The following COG6 variants were observed in gnomAD, a reference collection of about 807,000 sequenced individuals.
COG6 encodes conserved oligomeric Golgi complex subunit 6.
COG6 carries 74 observed loss-of-function variants against 88.8 expected under a neutral mutation model. The ratio of observed to expected loss-of-function variants is 0.83; its 90% CI spans 0.69 to 1.01. The LOEUF is 1.01. Among genes scored for constraint, COG6 ranks in the 50% least tolerant of loss-of-function variants. COG6 has a pLI of 0.00. For missense variants in COG6, 800 were observed against 797.9 expected (o/e 1.00, Z -0.03); for synonymous variants, 286 against 278.7 (o/e 1.03, Z -0.26).
chr13:39,751,331 G>C lies in COG6; in HGVS notation c.*238G>C. The C allele has an allele frequency of 6.8e-7, 1 of 1,460,934 alleles. No homozygotes were observed. The highest frequency in any genetic ancestry group is 1.2e-5 in the South Asian group (1 of 82,360). 90.5% of individuals were successfully genotyped at this position (1,460,934 alleles called of 1,614,324 possible). A position where few individuals can be genotyped will look rare whatever the true frequency, so the allele number is the denominator to read the frequency against. ...AATGAGATGATCTATTTTTTTGCTA[G>C]CCATCTCTCCAGCTCTGCAGTTTTC... On this transcript the variant is annotated 3_prime_UTR_variant, in exon 19 of 19. Transcript: ENST00000455146.
intron 18 of COG6, among the ~76,000 whole-genome samples, chr13:39,746,249 T>G (rs1331936707): frequency 6.6e-6 from 1 of 151,538 alleles, no homozygotes; most frequent in Non-Finnish European, 1.5e-5. Context: ...AAAAAAAAGT[T>G]ACTTCCCCCT....
chr13:39,776,252 C>T (rs1349296958), intron 18 of COG6, among the ~76,000 whole-genome samples: 1 of 152,074 alleles, frequency 6.6e-6, no homozygotes, highest in Non-Finnish European at 1.5e-5. Flanking sequence ...GAGGAGTAGG[C>T]AGAAGGGGAG....
intron 13 of COG6, among the ~76,000 whole-genome samples, chr13:39,700,878 G>C (rs1877537680): frequency 6.6e-6 from 1 of 151,892 alleles, no homozygotes; most frequent in South Asian, 2.1e-4. Flanking sequence ...GTTGAACTTT[G>C]AAGAACAGGT....
intron 18 of COG6, among the ~76,000 whole-genome samples, chr13:39,746,170 C>T (rs1259068330): frequency 6.6e-6 from 1 of 151,276 alleles, no homozygotes; most frequent in Admixed American, 6.6e-5. Context: ...CAACATGGCA[C>T]GTGTATACCT....
chr13:39,722,146 T>C (rs1878881245), intron 15 of COG6, among the ~76,000 whole-genome samples: 1 of 152,062 alleles, frequency 6.6e-6, no homozygotes, highest in African/African-American at 2.4e-5. Context: ...ATATTTGCTC[T>C]GTATTACTTT....
chr13:39,670,924 T>G (rs1875592923), intron 4 of COG6, among the ~76,000 whole-genome samples: 1 of 152,054 alleles, frequency 6.6e-6, no homozygotes, highest in Non-Finnish European at 1.5e-5. Context: ...GCATAAATGG[T>G]TTTATATTGC....
intron 4 of COG6, among the ~76,000 whole-genome samples, chr13:39,669,829 C>G (rs535172006): frequency 1.5e-3 from 223 of 152,188 alleles, no homozygotes; most frequent in Middle Eastern, 6.8e-3. Context: ...TTATGACATT[C>G]TGGTATCCCA....
chr13:39,720,712 A>G (rs1878806075), intron 15 of COG6, among the ~76,000 whole-genome samples: 1 of 151,942 alleles, frequency 6.6e-6, no homozygotes. Context: ...CAGTTTTTAT[A>G]GTTGCTTCTT....
In COG6 at chr13:39,724,520, A is replaced by G. The variant is rs769405087; in HGVS notation, c.1705A>G (p.Asn569Asp). The change falls in exon 17 of 19, where the codon AAT becomes GAT. Residue 569 changes from asparagine to aspartate, a missense_variant. Asn to Asp is a conservative substitution (Grantham distance 23). Coordinates refer to ENST00000455146, the MANE Select transcript of COG6 (RefSeq NM_020751.3). ...QHKPEQGSLANMPNLDSVTLK... is the reference protein window; with the variant it reads ...QHKPEQGSLADMPNLDSVTLK... Reference sequence around the variant, plus strand: ...TTTTTTTAAATAGGGCTCTTTAGCTAATATGCCCAACCTAGATTCTGTGAC... The same window carrying G: ...TTTTTTTAAATAGGGCTCTTTAGCTGATATGCCCAACCTAGATTCTGTGAC... 3 of 1,597,982 alleles carry G rather than the reference A, an allele frequency of 1.9e-6. No homozygotes were observed. The highest frequency in any genetic ancestry group is 1.7e-6 in the Non-Finnish European group (2 of 1,169,280).
chr13:39,752,646 T>A, downstream of COG6: 1 of 1,258,442 alleles, frequency 7.9e-7, no homozygotes, highest in Non-Finnish European at 1.0e-6. Flanking sequence ...CAGCAATTAT[T>A]GCAGCTGTCC....
chr13:39,713,618 C>A (rs1378872666), intron 13 of COG6, among the ~76,000 whole-genome samples: 2 of 152,078 alleles, frequency 1.3e-5, no homozygotes, highest in Non-Finnish European at 2.9e-5. Context: ...CGCCTGTAGT[C>A]CCAGCTACTC....
Position 39,718,180 on chromosome 13 carries a change from A to G in COG6, c.1285-1056A>G, listed in dbSNP as rs140475411. The stretch of plus-strand genomic sequence containing the variant: ...TTCTTGTTTGCTTGCATGTTTTATG[A>G]TTTTTTTGTTCTTGTTGTTTTTATG... On this transcript the variant is annotated intron_variant, in intron 13 of 18. Coordinates refer to ENST00000455146, the MANE Select transcript of COG6 (RefSeq NM_020751.3). Among the ~76,000 whole-genome samples, 142 of 151,884 alleles carry G rather than the reference A, an allele frequency of 9.3e-4. 2 individuals carry two copies. Among genetic ancestry groups the G allele is most frequent in the Admixed American group, 7.4e-3 (112 of 15,238 alleles).
intron 18 of COG6, among the ~76,000 whole-genome samples, chr13:39,762,409 C>CA (rs1463777712): frequency 6.6e-6 from 1 of 151,772 alleles, no homozygotes; most frequent in Non-Finnish European, 1.5e-5. Flanking sequence ...TTAATGGATA[C>CA]AAAAGTACAG....
At chr13:39,668,139 A>G (rs1875385099) in intron 4 of COG6, among the ~76,000 whole-genome samples, 3 of 152,134 alleles carry the variant, frequency 2.0e-5, no homozygotes, top group Admixed American at 2.0e-4. Flanking sequence ...CAGTAAACAT[A>G]AGAGCCACCA....
chr13:39,769,164 G>A (rs566724556), intron 18 of COG6, among the ~76,000 whole-genome samples: 1 of 152,100 alleles, frequency 6.6e-6, no homozygotes, highest in Non-Finnish European at 1.5e-5. Flanking sequence ...TGTTTCTTTA[G>A]CATTGTGAAC....
chr13:39,704,088 G>A (rs1877743073), intron 13 of COG6, among the ~76,000 whole-genome samples: 1 of 151,924 alleles, frequency 6.6e-6, no homozygotes, highest in Admixed American at 6.6e-5. Flanking sequence ...GTTTATTATT[G>A]TTCAGACTGA....
At chr13:39,780,177 A>G (rs994219484) in intron 18 of COG6, among the ~76,000 whole-genome samples, 3 of 152,214 alleles carry the variant, frequency 2.0e-5, no homozygotes, top group African/African-American at 4.8e-5. Flanking sequence ...TTTTTTGCCT[A>G]CTTTTCTCAA....
At chr13:39,685,931 A>G (rs1876610986) in intron 8 of COG6, among the ~76,000 whole-genome samples, 2 of 152,188 alleles carry the variant, frequency 1.3e-5, no homozygotes, top group Admixed American at 1.3e-4. Context: ...CAAACCCACA[A>G]AGAACCATAG....
chr13:39,699,587 T>C lies in COG6; in HGVS notation c.1253T>C (p.Leu418Ser). The change falls in exon 13 of 19, where the codon TTG becomes TCG. Residue 418 changes from leucine (L) to serine (S), a missense_variant. By Grantham distance (145) the Leu-to-Ser change is moderately radical (BLOSUM62 -2). Coordinates refer to ENST00000455146, the MANE Select transcript of COG6 (RefSeq NM_020751.3). Reference sequence around the variant, plus strand: ...AGCAAAAAAATATTCTTCAATAGCTTGAGTCTTCATGCAAGTAAATTAATG... The same window carrying C: ...AGCAAAAAAATATTCTTCAATAGCTCGAGTCTTCATGCAAGTAAATTAATG... The part of the protein sequence containing the change: ...LLSKKIFFNS[L>S]SLHASKLMDK... The C allele has an allele frequency of 6.5e-7, 1 of 1,536,688 alleles. No homozygotes were observed. Among genetic ancestry groups the C allele is most frequent in the South Asian group, 1.1e-5 (1 of 89,394 alleles).
Sources: allele counts gnomAD v4.1 joint callset (sites outside exome capture counted in the v4.1 genomes callset), GRCh38; gene constraint gnomAD v4.1.1; transcripts MANE v1.5; gene names NCBI Gene and HGNC (gene_info 2026-07-23, HGNC 2026-07-21).